Variants in ENTREP2 observed in about 807,000 individuals in gnomAD.
The protein encoded by ENTREP2 is protein ENTREP2.
chr15:29,644,745 G>T, the ENTREP2 span, among the ~76,000 whole-genome samples: 5 of 150,502 alleles, frequency 3.3e-5, no homozygotes, highest in Admixed American at 2.7e-4. Context: ...GGAGGTTGCA[G>T]TGAGCTGAGA....
chr15:29,126,264 T>C, the ENTREP2 span: 4 of 1,457,580 alleles, frequency 2.7e-6, no homozygotes, highest in East Asian at 7.5e-5. Flanking sequence ...CTGGCCAACC[T>C]ACCTGCCATG....
the ENTREP2 span, among the ~76,000 whole-genome samples, chr15:29,499,253 C>A: frequency 6.6e-6 from 1 of 152,136 alleles, no homozygotes; most frequent in Non-Finnish European, 1.5e-5. Context: ...TGTGACTTGA[C>A]AATTTTCTGT....
chr15:29,221,976 A>G, the ENTREP2 span, among the ~76,000 whole-genome samples: 1 of 152,166 alleles, frequency 6.6e-6, no homozygotes, highest in East Asian at 1.9e-4. Flanking sequence ...GACTTCTCCA[A>G]CTTGTAACAT....
At chr15:29,572,607 T>G in the ENTREP2 span, among the ~76,000 whole-genome samples, 1 of 152,022 alleles carries the variant, frequency 6.6e-6, no homozygotes, top group African/African-American at 2.4e-5. Context: ...ATCCCTGCCT[T>G]TAAGGGATTC....
chr15:29,644,828 GA>G, the ENTREP2 span, among the ~76,000 whole-genome samples: 9 of 133,660 alleles, frequency 6.7e-5, no homozygotes, highest in African/African-American at 1.1e-4. Flanking sequence ...AAAAAAAAAA[GA>G]AAAAAAAAGA....
the ENTREP2 span, among the ~76,000 whole-genome samples, chr15:29,133,906 G>T: frequency 6.6e-6 from 1 of 152,092 alleles, no homozygotes; most frequent in African/African-American, 2.4e-5. Context: ...ACGACCTTCT[G>T]TTTGGGGGAT....
At chr15:29,245,632 T>G in the ENTREP2 span, among the ~76,000 whole-genome samples, 2 of 150,974 alleles carry the variant, frequency 1.3e-5, no homozygotes. Context: ...ATATATAATA[T>G]GTAAATTATA....
chr15:29,128,691 A>AAAGAG, the ENTREP2 span: 2,615 of 943,748 alleles, frequency 2.8e-3, 14 homozygotes, highest in African/African-American at 4.5e-3. Context: ...GGAGGAGGAA[A>AAAGAG]AAGAGAAGAG....
the ENTREP2 span, among the ~76,000 whole-genome samples, chr15:29,596,312 C>A: frequency 1.3e-5 from 2 of 152,208 alleles, no homozygotes; most frequent in South Asian, 4.1e-4. Context: ...CACCTCTAAT[C>A]CATTACCACA....
chr15:29,635,288 T>C, the ENTREP2 span, among the ~76,000 whole-genome samples: 12 of 152,256 alleles, frequency 7.9e-5, no homozygotes, highest in East Asian at 2.1e-3. Flanking sequence ...CCAACCTTCC[T>C]AGGTGCTGCC....
the ENTREP2 span, among the ~76,000 whole-genome samples, chr15:29,618,379 C>T: frequency 8.0e-5 from 12 of 150,452 alleles, no homozygotes; most frequent in Admixed American, 3.3e-4. Flanking sequence ...GCTGAGATCA[C>T]GCCATTGCAC....
the ENTREP2 span, among the ~76,000 whole-genome samples, chr15:29,213,883 T>C: frequency 6.6e-6 from 1 of 152,128 alleles, no homozygotes; most frequent in Admixed American, 6.5e-5. Context: ...GGTGAGGATA[T>C]GAACAGACAC....
chr15:29,124,776 G>T, the ENTREP2 span: 4 of 1,547,936 alleles, frequency 2.6e-6, no homozygotes, highest in South Asian at 3.6e-5. Flanking sequence ...ACCAGAAGGA[G>T]AATTCAGTGA....
chr15:29,131,951 C>A, the ENTREP2 span, among the ~76,000 whole-genome samples: 1 of 148,638 alleles, frequency 6.7e-6, no homozygotes, highest in East Asian at 2.0e-4. Context: ...TGACCTAAGC[C>A]GGAAGGGAAG....
the ENTREP2 span, among the ~76,000 whole-genome samples, chr15:29,490,421 G>A: frequency 0.038 from 5,853 of 152,276 alleles, 368 homozygotes; most frequent in African/African-American, 0.13. Flanking sequence ...TGCGGCTGCT[G>A]GCTCCGGCAG....
At chr15:29,329,129 G>A in the ENTREP2 span, among the ~76,000 whole-genome samples, 2 of 152,244 alleles carry the variant, frequency 1.3e-5, no homozygotes, top group South Asian at 2.1e-4. Flanking sequence ...TTGGGAGGCC[G>A]AGGCGGGTGG....
the ENTREP2 span, among the ~76,000 whole-genome samples, chr15:29,383,346 T>G: frequency 6.6e-6 from 1 of 152,278 alleles, no homozygotes; most frequent in South Asian, 2.1e-4. Flanking sequence ...AGAGTACCTC[T>G]TCTTCCCCGT....
the ENTREP2 span, among the ~76,000 whole-genome samples, chr15:29,403,061 G>C: frequency 6.6e-6 from 1 of 152,136 alleles, no homozygotes; most frequent in Non-Finnish European, 1.5e-5. Context: ...CTGAGTGAGA[G>C]GCAGCAAACC....
the ENTREP2 span, among the ~76,000 whole-genome samples, chr15:29,321,282 G>A: frequency 3.1e-4 from 47 of 152,186 alleles, no homozygotes; most frequent in African/African-American, 8.7e-4. Flanking sequence ...CATGAAGAGC[G>A]TGGAGTATTT....
Sources: allele counts gnomAD v4.1 joint callset (sites outside exome capture counted in the v4.1 genomes callset), GRCh38; gene constraint gnomAD v4.1.1; transcripts MANE v1.5; gene names NCBI Gene and HGNC (gene_info 2026-07-23, HGNC 2026-07-21).